ELOVL7: variants seen among roughly 807,000 people sequenced by gnomAD.
ELOVL7 encodes ELOVL fatty acid elongase 7.
Under a neutral mutation model 35.7 loss-of-function variants are expected in ELOVL7, and 27 were observed. The ratio of observed to expected loss-of-function variants is 0.76; its 90% CI spans 0.56 to 1.04. The LOEUF (loss-of-function observed/expected upper bound fraction) is 1.04. Among genes scored for constraint, ELOVL7 ranks in the 50% least tolerant of loss-of-function variants. The pLI is 0.00. For synonymous variants in ELOVL7, 113 were observed against 114.6 expected (o/e 0.99, Z 0.09); for missense variants, 327 against 340.8 (o/e 0.96, Z 0.32).
At position 60,830,299 on chromosome 5, in the gene ELOVL7, A is replaced by G. The variant is rs570498679; in HGVS notation, c.-86+13861T>C. ...AGACATACAAGTAAACAAACAGACAAACATAAATAAGACAAATAGTGGCAA... is the reference window on the plus strand; with the variant it reads ...AGACATACAAGTAAACAAACAGACAGACATAAATAAGACAAATAGTGGCAA... On this transcript the variant is annotated intron_variant, in intron 1 of 8. Transcript: ENST00000508821. Among the ~76,000 whole-genome samples, 16 of 152,366 alleles carry G rather than the reference A, an allele frequency of 1.1e-4. No individual in the cohort carries two copies. The East Asian group carries it at 3.1e-3, about 29-fold the overall frequency.
At chr5:60,799,879 A>T (rs1173501485) in intron 1 of ELOVL7, among the ~76,000 whole-genome samples, 1 of 152,000 alleles carries the variant, frequency 6.6e-6, no homozygotes, top group African/African-American at 2.4e-5. Flanking sequence ...CTCTACTAAA[A>T]ATACAAAATT....
intron 3 of ELOVL7, among the ~76,000 whole-genome samples, chr5:60,776,205 C>A (rs1012123699): frequency 2.0e-5 from 3 of 152,044 alleles, no homozygotes; most frequent in Admixed American, 1.3e-4. Flanking sequence ...AAGCGGCCAA[C>A]AAACATTAAA....
chr5:60,809,969 G>T (rs887095041), intron 1 of ELOVL7, among the ~76,000 whole-genome samples: 1 of 152,142 alleles, frequency 6.6e-6, no homozygotes, highest in African/African-American at 2.4e-5. Flanking sequence ...TACAACTCAG[G>T]TTCCTGAATT....
At chr5:60,757,678 T>C (rs1433027741) in intron 7 of ELOVL7, 33 bp from the exon 8 acceptor site, 1 of 1,514,320 alleles carries the variant, frequency 6.6e-7, no homozygotes, top group East Asian at 2.3e-5. Flanking sequence ...CATGGGGCCA[T>C]TGTTCCTTAA....
chr5:60,805,689 T>A (rs913591086), intron 1 of ELOVL7, among the ~76,000 whole-genome samples: 5 of 152,210 alleles, frequency 3.3e-5, no homozygotes, highest in African/African-American at 1.2e-4. Flanking sequence ...AGCATAAGCA[T>A]CACTTCCTCT....
At chr5:60,812,643 T>C (rs7712473) in intron 1 of ELOVL7, among the ~76,000 whole-genome samples, 124,053 of 152,136 alleles carry the variant, frequency 0.82, 50,802 homozygotes, top group East Asian at 0.9. Context: ...TCTCAGATAA[T>C]CATCTTGCTT....
chr5:60,786,844 A>G (rs1268872777), intron 3 of ELOVL7, among the ~76,000 whole-genome samples: 1 of 152,002 alleles, frequency 6.6e-6, no homozygotes, highest in African/African-American at 2.4e-5. Flanking sequence ...TGGGAGGCTC[A>G]GGCAGAAGAA....
At chr5:60,836,277 T>C (rs1746794778) in intron 1 of ELOVL7, among the ~76,000 whole-genome samples, 1 of 152,052 alleles carries the variant, frequency 6.6e-6, no homozygotes, top group Non-Finnish European at 1.5e-5. Context: ...CCATTCCACA[T>C]TGGCTCAGGA....
At chr5:60,792,396 A>C (rs183209202) in intron 2 of ELOVL7, among the ~76,000 whole-genome samples, 71 of 152,324 alleles carry the variant, frequency 4.7e-4, no homozygotes, top group African/African-American at 1.7e-3. Context: ...TTATGAGCTG[A>C]GAGTGATGGA....
At chr5:60,764,088 T>C (rs891977408) in intron 7 of ELOVL7, 139 bp downstream of exon 7, 1 of 669,392 alleles carries the variant, frequency 1.5e-6, no homozygotes, top group Non-Finnish European at 2.7e-6. Flanking sequence ...TTTCAAGTAA[T>C]AATTAATGAA....
chr5:60,810,212 T>C (rs538536642), intron 1 of ELOVL7, among the ~76,000 whole-genome samples: 2 of 152,318 alleles, frequency 1.3e-5, no homozygotes, highest in African/African-American at 4.8e-5. Context: ...AAAACATTTG[T>C]GGGCAGAAGA....
At chr5:60,787,539 G>A (rs1579839023) in intron 2 of ELOVL7, 108 bp from the exon 3 acceptor site, 2 of 597,264 alleles carry the variant, frequency 3.3e-6, no homozygotes, top group Admixed American at 7.8e-5. Flanking sequence ...TGAATAACTG[G>A]CAAGACAACA....
At chr5:60,832,016 T>C (rs1746509590) in intron 1 of ELOVL7, among the ~76,000 whole-genome samples, 1 of 152,228 alleles carries the variant, frequency 6.6e-6, no homozygotes, top group East Asian at 1.9e-4. Context: ...TACTATTTCA[T>C]AAGCATATCA....
At chr5:60,838,982 C>G (rs1269442531) in intron 1 of ELOVL7, among the ~76,000 whole-genome samples, 2 of 144,076 alleles carry the variant, frequency 1.4e-5, no homozygotes, top group African/African-American at 2.6e-5. Flanking sequence ...GAGATAGCGC[C>G]ATTGCACTCC....
At chr5:60,808,689 T>A (rs187059445) in intron 1 of ELOVL7, among the ~76,000 whole-genome samples, 1 of 152,348 alleles carries the variant, frequency 6.6e-6, no homozygotes, top group African/African-American at 2.4e-5. Context: ...ATAGTGACTT[T>A]ATTCATAGTC....
intron 1 of ELOVL7, among the ~76,000 whole-genome samples, chr5:60,816,831 C>T (rs988386223): frequency 1.3e-5 from 2 of 152,064 alleles, no homozygotes; most frequent in Non-Finnish European, 2.9e-5. Flanking sequence ...AATTGAAATC[C>T]ATATCTCATA....
intron 3 of ELOVL7, among the ~76,000 whole-genome samples, chr5:60,783,862 C>A (rs1010612123): frequency 6.6e-6 from 1 of 152,068 alleles, no homozygotes; most frequent in Non-Finnish European, 1.5e-5. Flanking sequence ...TCTGTCTTCC[C>A]CAGAAACAAA....
At chr5:60,785,702 G>T (rs1743533602) in intron 3 of ELOVL7, 1 of 151,900 alleles carries the variant, frequency 6.6e-6, no homozygotes, top group South Asian at 2.1e-4. Context: ...GACCCCTAAA[G>T]AAACTTGAAT....
chr5:60,754,606 A>G lies in ELOVL7; in HGVS notation c.*18T>C, dbSNP rs201608476. 7.5e-5 allele frequency: 120 copies of G among 1,609,302 alleles called. No individual in the cohort carries two copies. The African/African-American group carries it at 1.5e-3, about 21-fold the overall frequency. ...GGAAGACAATGTATCAGTTTCGATC[A>G]TAGACTTATGTTGGGCTTCAATTAT... On this transcript the variant is annotated 3_prime_UTR_variant, in exon 9 of 9. Coordinates refer to ENST00000508821, the MANE Select transcript of ELOVL7 (RefSeq NM_024930.3).
Sources: allele counts gnomAD v4.1 joint callset (sites outside exome capture counted in the v4.1 genomes callset), GRCh38; gene constraint gnomAD v4.1.1; transcripts MANE v1.5; gene names NCBI Gene and HGNC (gene_info 2026-07-23, HGNC 2026-07-21).